Variants in SLC19A1 observed in about 807,000 individuals in gnomAD.
SLC19A1 encodes solute carrier family 19 member 1, also known as reduced folate transporter.
SLC19A1 carries 37 observed loss-of-function variants against 35.3 expected under a neutral mutation model. The observed-to-expected ratio is 1.05, with a 90% CI of 0.81 to 1.38. SLC19A1 has a LOEUF of 1.38. Ranked by LOEUF, SLC19A1 falls within the 40% of genes most tolerant of loss-of-function variation. The pLI is 0.00. For missense variants in SLC19A1, 831 were observed against 826.9 expected (o/e 1.00, Z -0.06); for synonymous variants, 460 against 398.5 (o/e 1.15, Z -1.84).
intron 5 of SLC19A1, among the ~76,000 whole-genome samples, chr21:45,523,409 C>T (rs569499759): frequency 6.6e-6 from 1 of 152,334 alleles, no homozygotes; most frequent in South Asian, 2.1e-4. Context: ...CCTCCACCTC[C>T]CCAGAGCTGT....
At position 45,530,747 on chromosome 21, in the gene SLC19A1, C is replaced by T; in HGVS notation, c.1151+23G>A. 1 of 1,547,892 alleles carries T rather than the reference C, an allele frequency of 6.5e-7. No homozygotes were observed. The highest frequency in any genetic ancestry group is 8.7e-7 in the Non-Finnish European group (1 of 1,145,654). On this transcript the variant is annotated intron_variant, in intron 4 of 5. Coordinates refer to ENST00000311124, the MANE Select transcript of SLC19A1 (RefSeq NM_194255.4). This position sits in a 1 kb window ranked among gnomAD's most constrained non-coding sequence, Gnocchi z 5.3. ...GATCCTGGCGCCTGCCCGCCCCCGG[C>T]TTCCCACCCTTCTGGAACTCACGTG...
exon 1 of SLC19A1, among the ~76,000 whole-genome samples, chr21:45,562,836 G>A (rs2078627482): frequency 6.6e-6 from 1 of 152,092 alleles, no homozygotes; most frequent in African/African-American, 2.4e-5. Context: ...GATTCCAACA[G>A]TCCATGGAAG....
upstream of SLC19A1, among the ~76,000 whole-genome samples, chr21:45,544,669 G>C (rs1042793091): frequency 1.3e-5 from 2 of 152,326 alleles, no homozygotes; most frequent in South Asian, 4.1e-4. Context: ...GGGCCCAGCA[G>C]TGTGGATCCC....
intron 1 of SLC19A1, among the ~76,000 whole-genome samples, chr21:45,556,053 G>A (rs1323215287): frequency 1.3e-5 from 2 of 152,198 alleles, no homozygotes; most frequent in Non-Finnish European, 2.9e-5. Flanking sequence ...GGTCAAAGCC[G>A]AGAACAGAAG....
At chr21:45,510,011 G>C, downstream of SLC19A1, 1 of 1,526,420 alleles carries the variant, frequency 6.6e-7, no homozygotes, top group Non-Finnish European at 8.8e-7. Context: ...CCCGGGGCCT[G>C]GGTGCAGGGG....
rs1246633297 is a variant in SLC19A1, at chr21:45,514,490, C to T, written c.*1168G>A. ...AGCCAGAGATTCTCTCCCCAGCTCT[C>T]CGTGCTGAGCAGCCAGCCATTCACC... On this transcript the variant is annotated 3_prime_UTR_variant, in exon 6 of 6. Transcript: ENST00000311124. 1.0e-5 allele frequency: 1 copy of T among 99,640 alleles called. No homozygotes were observed. Among genetic ancestry groups the T allele is most frequent in the African/African-American group, 4.5e-5 (1 of 21,984 alleles). 6.2% of individuals were successfully genotyped at this position (99,640 alleles called of 1,614,324 possible). A position where few individuals can be genotyped will look rare whatever the true frequency, so the allele number is the denominator to read the frequency against.
chr21:45,508,441 A>AAGTGGGTG (rs1031122902), downstream of SLC19A1, among the ~76,000 whole-genome samples: 1 of 127,298 alleles, frequency 7.9e-6, no homozygotes, highest in Non-Finnish European at 1.7e-5. Flanking sequence ...GATGGTGGGT[A>AAGTGGGTG]AGTGGGTGAG....
intron 3 of SLC19A1, chr21:45,506,066 G>A (rs1602622893): frequency 1.3e-6 from 2 of 1,568,446 alleles, no homozygotes; most frequent in South Asian, 1.1e-5. Flanking sequence ...ACAGGGATGG[G>A]AGCAGGTGGC....
At chr21:45,507,058 G>A (rs568195024) in intron 3 of SLC19A1, 147 of 332,816 alleles carry the variant, frequency 4.4e-4, no homozygotes, top group Non-Finnish European at 7.9e-4. Flanking sequence ...TAGCAAACGC[G>A]TGCTGGGAGG....
At chr21:45,539,065 A>C (rs561897121) in intron 1 of SLC19A1, among the ~76,000 whole-genome samples, 74 of 152,352 alleles carry the variant, frequency 4.9e-4, no homozygotes, top group Non-Finnish European at 7.9e-4. Flanking sequence ...TCCACTTATC[A>C]GAATCATGTC....
chr21:45,532,661 C>A (rs1344510301), intron 2 of SLC19A1, among the ~76,000 whole-genome samples: 1 of 152,154 alleles, frequency 6.6e-6, no homozygotes, highest in Non-Finnish European at 1.5e-5. Context: ...TCTCGAACTC[C>A]TGACCTCAGG....
At position 45,540,112 on chromosome 21, in the gene SLC19A1, T is replaced by C. The variant is rs1318682547; in HGVS notation, c.-49-2104A>G. ...AGCTGGGAAGATCAGTGCACAAAGG[T>C]TGGGCTCCATCACCAGGGACCCTGA... is the stretch of plus-strand genomic sequence containing the variant. On this transcript the variant is annotated intron_variant, in intron 1 of 5. Coordinates refer to ENST00000311124, the MANE Select transcript of SLC19A1 (RefSeq NM_194255.4). The surrounding 1 kb of genome is among the most constrained non-coding windows in gnomAD (Gnocchi z 5.5). Among the ~76,000 whole-genome samples the C allele has an allele frequency of 1.3e-5, 2 of 151,972 alleles. No homozygotes were observed. Among genetic ancestry groups the C allele is most frequent in the South Asian group, 2.1e-4 (1 of 4,818 alleles).
chr21:45,509,210 C>T (rs1487289730), downstream of SLC19A1: 2 of 1,122,866 alleles, frequency 1.8e-6, no homozygotes, highest in Admixed American at 2.6e-5. Flanking sequence ...CCTACACCCC[C>T]AGGGCAGCCC....
At chr21:45,537,425 T>C (rs1258276007) in intron 2 of SLC19A1, among the ~76,000 whole-genome samples, 4 of 101,538 alleles carry the variant, frequency 3.9e-5, no homozygotes, top group Admixed American at 1.0e-4. Flanking sequence ...GCGGCCGCCC[T>C]GGCACCCAGC....
chr21:45,505,097 G>C, intron 3 of SLC19A1: 1 of 1,599,684 alleles, frequency 6.3e-7, no homozygotes, highest in Non-Finnish European at 8.5e-7. Flanking sequence ...TCCAGGGCAC[G>C]AGGTAACCAG....
chr21:45,506,361 G>T (rs941205016), intron 3 of SLC19A1: 1 of 353,134 alleles, frequency 2.8e-6, no homozygotes, highest in Non-Finnish European at 5.6e-6. Context: ...TGGGGGGCAG[G>T]CTGTCCCGTG....
Position 45,512,722 on chromosome 21 carries a change from T to G in SLC19A1, c.*2936A>C, listed in dbSNP as rs2037684186. ...AGACCACGGCTCGATTTCTCCAGGA[T>G]TTCCTGCTTTGGGAAGCCGTGCTCG... is the stretch of plus-strand genomic sequence containing the variant. On this transcript the variant is annotated 3_prime_UTR_variant, in exon 6 of 6. Coordinates refer to ENST00000311124, the MANE Select transcript of SLC19A1 (RefSeq NM_194255.4). 2.4e-6 allele frequency: 1 copy of G among 424,708 alleles called. No homozygotes were observed. Among genetic ancestry groups the G allele is most frequent in the Non-Finnish European group, 4.4e-6 (1 of 228,728 alleles). The allele number at this position is 424,708 out of a possible 1,614,324, so 26.3% of individuals were successfully genotyped here. A position where few individuals can be genotyped will look rare whatever the true frequency, so the allele number is the denominator to read the frequency against.
chr21:45,503,664 A>C (rs1002189543), intron 3 of SLC19A1, among the ~76,000 whole-genome samples: 3 of 149,034 alleles, frequency 2.0e-5, no homozygotes, highest in Admixed American at 6.7e-5. Context: ...GAGGGATAGC[A>C]TTGGGAGATA....
At position 45,505,229 on chromosome 21, in the gene SLC19A1, C is replaced by T. The variant is rs765397052; in HGVS notation, c.498-6617G>A. The T allele has an allele frequency of 8.2e-6, 13 of 1,590,594 alleles. No homozygotes were observed. The East Asian group carries it at 1.8e-4, about 22-fold the overall frequency. Reference sequence around the variant, plus strand: ...ACGAGGGGCGCCAGGGCCCTCCCGGCCCCCCAGGCCCCCCAGGGCCCCCTT... The same window carrying T: ...ACGAGGGGCGCCAGGGCCCTCCCGGTCCCCCAGGCCCCCCAGGGCCCCCTT... On this transcript the variant is annotated intron_variant, in intron 3 of 4. Coordinates refer to the SLC19A1 transcript ENST00000417954.
Sources: gnomAD v4.1 joint callset for allele counts (sites outside exome capture counted in the v4.1 genomes callset) on GRCh38, gnomAD v4.1.1 for gene constraint, Gnocchi (gnomAD v3.1) non-coding constraint, MANE v1.5 for transcripts, NCBI Gene and HGNC (gene_info 2026-07-23, HGNC 2026-07-21) for gene names.